Variants in ATP10B observed in about 807,000 individuals in gnomAD.
ATP10B encodes the protein phospholipid-transporting ATPase VB.
ATP10B carries 122 observed loss-of-function variants against 141.2 expected under a neutral mutation model. The observed-to-expected ratio is 0.86, with a 90% CI of 0.75 to 1.00. ATP10B has a LOEUF of 1.00. ATP10B is among the 50% of genes least tolerant of loss of function. The pLI, the probability that ATP10B is intolerant of heterozygous loss-of-function variation, is 0.00. For missense variants in ATP10B, 1,876 were observed against 1,825.3 expected, an observed-to-expected ratio of 1.03 and a Z score of -0.51; for synonymous variants, 685 against 692.0, an observed-to-expected ratio of 0.99 and a Z score of 0.16.
intron 2 of ATP10B, among the ~76,000 whole-genome samples, chr5:160,752,247 C>T (rs1341259231): frequency 6.8e-6 from 1 of 146,980 alleles, no homozygotes; most frequent in East Asian, 2.0e-4. Flanking sequence ...CTTTCCATTT[C>T]CCTTTGTAGC....
intron 2 of ATP10B, among the ~76,000 whole-genome samples, chr5:160,744,553 A>G (rs1455673058): frequency 6.6e-6 from 1 of 152,186 alleles, no homozygotes; most frequent in East Asian, 1.9e-4. Flanking sequence ...TGTCTATACA[A>G]ATACAAGAAA....
At chr5:160,755,568 C>A (rs1267682105) in intron 2 of ATP10B, among the ~76,000 whole-genome samples, 1 of 150,654 alleles carries the variant, frequency 6.6e-6, no homozygotes, top group Non-Finnish European at 1.5e-5. Flanking sequence ...GTAATCCCAG[C>A]ACTTTGGGAG....
At chr5:160,643,897 T>C (rs1359992661) in intron 9 of ATP10B, among the ~76,000 whole-genome samples, 3 of 152,196 alleles carry the variant, frequency 2.0e-5, no homozygotes, top group Non-Finnish European at 2.9e-5. Context: ...TGATTGAGTG[T>C]GAATCCCTTT....
chr5:160,704,914 C>CTTTTTTTT (rs1170629163), intron 3 of ATP10B, among the ~76,000 whole-genome samples: 1,035 of 83,584 alleles, frequency 0.012, 94 homozygotes, highest in African/African-American at 0.034. Flanking sequence ...TTTCTTTCAT[C>CTTTTTTTT]TTTTTTTTTT....
chr5:160,764,014 T>C (rs760864738), intron 2 of ATP10B, among the ~76,000 whole-genome samples: 22 of 152,020 alleles, frequency 1.4e-4, no homozygotes, highest in Non-Finnish European at 2.5e-4. Context: ...CAGGAAGAAA[T>C]AGAAACTCTG....
chr5:160,576,815 G>A (rs1208274038), intron 24 of ATP10B, among the ~76,000 whole-genome samples: 2 of 152,212 alleles, frequency 1.3e-5, no homozygotes, highest in African/African-American at 2.4e-5. Flanking sequence ...GTGATGCCAG[G>A]GGGCCAGCAG....
intron 22 of ATP10B, among the ~76,000 whole-genome samples, chr5:160,593,388 A>C (rs936516801): frequency 6.6e-6 from 1 of 152,240 alleles, no homozygotes; most frequent in Non-Finnish European, 1.5e-5. Context: ...TAACAAATAG[A>C]AAGGACATCC....
At chr5:160,918,987 A>G in the ATP10B span, among the ~76,000 whole-genome samples, 3 of 151,476 alleles carry the variant, frequency 2.0e-5, no homozygotes, top group African/African-American at 2.4e-5. Context: ...GCACTTTGGG[A>G]GGCCGAGATG....
intron 1 of ATP10B, among the ~76,000 whole-genome samples, chr5:160,833,622 A>T (rs1009217709): frequency 6.6e-5 from 10 of 152,170 alleles, no homozygotes; most frequent in Admixed American, 6.6e-4. Flanking sequence ...AGAAGTACAG[A>T]CGTTAGAATT....
chr5:160,655,630 C>T (rs1390048436), intron 7 of ATP10B, among the ~76,000 whole-genome samples: 1 of 152,160 alleles, frequency 6.6e-6, no homozygotes, highest in Non-Finnish European at 1.5e-5. Flanking sequence ...GAAAAAGCCC[C>T]AGGTACAGTC....
intron 2 of ATP10B, among the ~76,000 whole-genome samples, chr5:160,780,663 T>C (rs1770655384): frequency 6.6e-6 from 1 of 152,150 alleles, no homozygotes; most frequent in African/African-American, 2.4e-5. Flanking sequence ...CTTTTCCTAC[T>C]CACCCACAAG....
chr5:160,830,826 G>T (rs1775019889), intron 1 of ATP10B, among the ~76,000 whole-genome samples: 2 of 152,080 alleles, frequency 1.3e-5, no homozygotes, highest in Admixed American at 1.3e-4. Flanking sequence ...ACCTGAGCTT[G>T]TGCTGGCCTT....
At chr5:160,747,808 G>A (rs1372021170) in intron 2 of ATP10B, among the ~76,000 whole-genome samples, 1 of 152,130 alleles carries the variant, frequency 6.6e-6, no homozygotes, top group African/African-American at 2.4e-5. Context: ...TGTCATAGCT[G>A]TCTTTCATTT....
At chr5:160,924,469 G>A in the ATP10B span, among the ~76,000 whole-genome samples, 1 of 152,170 alleles carries the variant, frequency 6.6e-6, no homozygotes, top group Admixed American at 6.5e-5. Flanking sequence ...TCAATAAAAG[G>A]TATTAATTAT....
At position 160,783,918 on chromosome 5, in the gene ATP10B, A is replaced by G. The variant is rs367822315; in HGVS notation, c.-331+1641T>C. Among the ~76,000 whole-genome samples the G allele has an allele frequency of 1.8e-4, 28 of 152,118 alleles. No homozygotes were observed. In the South Asian group the frequency reaches 5.8e-3, roughly 32 times the overall value. Reference sequence around the variant, plus strand: ...TTTATTGTTTTTTCATTTTTTGATTATGGCCATTCTTGCAGAAGGACTTGC... The same window carrying G: ...TTTATTGTTTTTTCATTTTTTGATTGTGGCCATTCTTGCAGAAGGACTTGC... On this transcript the variant is annotated intron_variant, in intron 2 of 25. Transcript: ENST00000327245.
chr5:160,854,632 T>C (rs1220995337), upstream of ATP10B, among the ~76,000 whole-genome samples: 3 of 152,172 alleles, frequency 2.0e-5, no homozygotes, highest in African/African-American at 7.2e-5. Flanking sequence ...GTAATAAACA[T>C]ACCTGTGCAT....
At position 160,565,526 on chromosome 5, in the gene ATP10B, C is replaced by A; in HGVS notation, c.4313G>T (p.Arg1438Ile). Residue 1438 changes from arginine to isoleucine, a missense_variant, in exon 26 of 26, where the codon AGA (arginine) becomes ATA (isoleucine). By Grantham distance (97) the Arg-to-Ile change is moderately conservative. Transcript: ENST00000327245. ...GCACCGGCACATATCAGTCTGTCCT[C>A]TTGAGTAGGCCATTATCCTGTTAGG... Reference protein sequence around the residue: ...LGPNRIMAYSRGQTDMCRCSK... With the variant: ...LGPNRIMAYSIGQTDMCRCSK... 6.2e-7 allele frequency: 1 copy of A among 1,614,138 alleles called. No homozygotes were observed. Among genetic ancestry groups the A allele is most frequent in the Non-Finnish European group, 8.5e-7 (1 of 1,179,984 alleles).
chr5:160,635,108 A>G (rs1457387259), intron 11 of ATP10B, among the ~76,000 whole-genome samples: 1 of 150,678 alleles, frequency 6.6e-6, no homozygotes, highest in Non-Finnish European at 1.5e-5. Flanking sequence ...AAACAAATAA[A>G]TATATATGAG....
chr5:160,756,716 A>G (rs1300523124), intron 2 of ATP10B, among the ~76,000 whole-genome samples: 1 of 151,892 alleles, frequency 6.6e-6, no homozygotes, highest in African/African-American at 2.4e-5. Flanking sequence ...TTGTGGGTAC[A>G]TAGTAGGTAT....
Sources: allele counts gnomAD v4.1 joint callset (sites outside exome capture counted in the v4.1 genomes callset), GRCh38; gene constraint gnomAD v4.1.1; transcripts MANE v1.5; gene names NCBI Gene and HGNC (gene_info 2026-07-23, HGNC 2026-07-21).